The following DGKD variants were observed in gnomAD, a reference collection of about 807,000 sequenced individuals.
DGKD encodes diacylglycerol kinase delta.
In DGKD, 68 loss-of-function variants were observed where a neutral mutation model predicts 154.4. The ratio of observed to expected loss-of-function variants is 0.44; its 90% confidence interval spans 0.36 to 0.54. DGKD has a LOEUF of 0.54. Ranked by LOEUF, DGKD falls within the 20% of genes least tolerant of loss-of-function variation. DGKD has a pLI of 0.00. For missense variants in DGKD, 1,343 were observed against 1,593.6 expected (o/e 0.84, Z 2.68); for synonymous variants, 693 against 638.0 (o/e 1.09, Z -1.30).
At chr2:233,412,141 T>C (rs2061844939) in intron 3 of DGKD, among the ~76,000 whole-genome samples, 1 of 152,232 alleles carries the variant, frequency 6.6e-6, no homozygotes, top group East Asian at 1.9e-4. Context: ...TTTCTATAAG[T>C]GAGGCCTGCT....
chr2:233,423,707 G>A (rs894393441), intron 3 of DGKD, among the ~76,000 whole-genome samples: 3 of 152,126 alleles, frequency 2.0e-5, no homozygotes, highest in Non-Finnish European at 1.5e-5. Context: ...GCTGGCTGGA[G>A]TAAGGTGGGT....
intron 1 of DGKD, among the ~76,000 whole-genome samples, chr2:233,366,638 T>C (rs1477154331): frequency 1.3e-5 from 2 of 152,178 alleles, no homozygotes; most frequent in South Asian, 4.1e-4. Flanking sequence ...GGCTTGCTAG[T>C]GTGCCATGAA....
chr2:233,424,994 G>A (rs971869653), intron 3 of DGKD, among the ~76,000 whole-genome samples: 4 of 152,098 alleles, frequency 2.6e-5, no homozygotes, highest in Non-Finnish European at 2.9e-5. Context: ...AACCCCCTGG[G>A]CTAATTCTTC....
chr2:233,366,833 G>A (rs1204630198), intron 1 of DGKD, among the ~76,000 whole-genome samples: 1 of 152,054 alleles, frequency 6.6e-6, no homozygotes, highest in Non-Finnish European at 1.5e-5. Flanking sequence ...AGGAAGAGGA[G>A]GACTAGTCAA....
chr2:233,453,156 G>T (rs62195091), intron 18 of DGKD, among the ~76,000 whole-genome samples: 17,367 of 152,202 alleles, frequency 0.11, 1,169 homozygotes, highest in Non-Finnish European at 0.15. Flanking sequence ...TTGCTCAGCT[G>T]GGTGGTCTCA....
chr2:233,463,629 C>T (rs927434577), intron 26 of DGKD, among the ~76,000 whole-genome samples: 1 of 151,130 alleles, frequency 6.6e-6, no homozygotes, highest in Admixed American at 6.6e-5. Flanking sequence ...CCTCACTCCA[C>T]GCATCTCCTC....
intron 1 of DGKD, among the ~76,000 whole-genome samples, chr2:233,374,433 C>G (rs1702470950): frequency 6.6e-6 from 1 of 152,058 alleles, no homozygotes; most frequent in African/African-American, 2.4e-5. Context: ...CTCTTGGGCT[C>G]AGGTGATTTT....
At chr2:233,394,591 T>G in intron 3 of DGKD, among the ~76,000 whole-genome samples, 1 of 152,048 alleles carries the variant, frequency 6.6e-6, no homozygotes, top group Non-Finnish European at 1.5e-5. Flanking sequence ...TTTCTAAGTC[T>G]TCTTTTCTTT....
rs188967048 is a variant in DGKD at position 233,440,392 on chromosome 2, G to A, written c.1086-1495G>A. ...AGACACTGAGCTCGAGGCAGGGTGC[G>A]CAGGTGAGCCAGGCGGGGAGTGCAG... On this transcript the variant is annotated intron_variant, in intron 9 of 29. Coordinates refer to ENST00000264057, the MANE Select transcript of DGKD (RefSeq NM_152879.3). This position sits in a 1 kb window ranked among gnomAD's most constrained non-coding sequence, Gnocchi z 4.9. Among the ~76,000 whole-genome samples the A allele has an allele frequency of 2.2e-4, 34 of 152,332 alleles. No individual in the cohort carries two copies. The highest frequency in any genetic ancestry group is 6.5e-4 in the African/African-American group (27 of 41,574).
intron 1 of DGKD, among the ~76,000 whole-genome samples, chr2:233,371,207 ACT>A (rs1383131801): frequency 2.6e-5 from 4 of 151,810 alleles, no homozygotes; most frequent in Admixed American, 6.6e-5. Flanking sequence ...ACACTTGCCA[ACT>A]CTTGTTACTT....
intron 3 of DGKD, among the ~76,000 whole-genome samples, chr2:233,394,383 C>T (rs1157367460): frequency 1.3e-5 from 2 of 151,948 alleles, no homozygotes. Context: ...GCTGGGACTA[C>T]AGGTGCTTGA....
intron 18 of DGKD, among the ~76,000 whole-genome samples, chr2:233,453,275 C>T (rs1222767744): frequency 7.9e-5 from 12 of 152,146 alleles, no homozygotes; most frequent in Admixed American, 7.9e-4. Flanking sequence ...CTGAGCAGCC[C>T]CTGGTACCCT....
At chr2:233,434,295 T>C in intron 3 of DGKD, 85 bp from the exon 4 acceptor site, 1 of 989,456 alleles carries the variant, frequency 1.0e-6, no homozygotes, top group Non-Finnish European at 1.6e-6. Context: ...TTTATGTCTG[T>C]GTGAGGTCGG....
intron 1 of DGKD, among the ~76,000 whole-genome samples, chr2:233,372,886 A>G (rs1702391084): frequency 6.6e-6 from 1 of 152,236 alleles, no homozygotes; most frequent in Non-Finnish European, 1.5e-5. Flanking sequence ...AATCTTAAAT[A>G]TAAAGCTCAT....
chr2:233,436,078 G>T (rs575843345), intron 6 of DGKD, among the ~76,000 whole-genome samples, 154 bp downstream of exon 6: 1 of 152,174 alleles, frequency 6.6e-6, no homozygotes, highest in African/African-American at 2.4e-5. Flanking sequence ...TGCGGTCTCC[G>T]TGTGGTTGTC....
intron 2 of DGKD, 98 bp downstream of exon 2, chr2:233,388,465 A>G: frequency 8.3e-7 from 1 of 1,198,242 alleles, no homozygotes; most frequent in Non-Finnish European, 1.2e-6. Flanking sequence ...AAAAGCTTCA[A>G]TTCTCAGATC....
chr2:233,449,012 A>T lies in DGKD; in HGVS notation c.1615-91A>T. 2.8e-6 allele frequency: 4 copies of T among 1,453,864 alleles called. No individual in the cohort carries two copies. Among genetic ancestry groups the T allele is most frequent in the Non-Finnish European group, 3.7e-6 (4 of 1,088,300 alleles). 90.1% of individuals were successfully genotyped at this position (1,453,864 alleles called of 1,614,324 possible). A position where few individuals can be genotyped will look rare whatever the true frequency, so the allele number is the denominator to read the frequency against. ...AGGATTTTCCTTTTGATCGAGTTCTAGGAAGTCTGGGTGAAATGGCCTGAG... is the reference window on the plus strand; with the variant it reads ...AGGATTTTCCTTTTGATCGAGTTCTTGGAAGTCTGGGTGAAATGGCCTGAG... On this transcript the variant is annotated intron_variant, in intron 14 of 29. Coordinates refer to ENST00000264057, the MANE Select transcript of DGKD (RefSeq NM_152879.3). This position sits in a 1 kb window ranked among gnomAD's most constrained non-coding sequence, Gnocchi z 5.3.
chr2:233,464,243 C>A lies in DGKD; in HGVS notation c.3266C>A (p.Thr1089Asn). The A allele has an allele frequency of 1.2e-6, 2 of 1,613,604 alleles. No individual in the cohort carries two copies. The highest frequency in any genetic ancestry group is 1.7e-6 in the Non-Finnish European group (2 of 1,180,032). The change falls in exon 27 of 30, where the codon ACC (threonine) becomes AAC (asparagine). Residue 1089 changes from threonine (T) to asparagine (N), a missense_variant. Thr to Asn is a moderately conservative substitution (Grantham distance 65). Transcript: ENST00000264057. Reference protein sequence around the residue: ...MDRQLRRLADTPWLCQSAEPG... With the variant: ...MDRQLRRLADNPWLCQSAEPG... ...CGACAGCTCAGGAGGCTGGCAGACA[C>A]CCCGTGGCTCTGCCAGTCCGCAGAG...
rs1020840047 is a variant in DGKD, at chr2:233,445,415, G to A, written c.1195-208G>A. ...CCAGAAGCAGCATCTTATCTCAAGG[G>A]CAGTCATGTTTCTGTCTCATTGCCA... On this transcript the variant is annotated intron_variant, in intron 10 of 29. Coordinates refer to ENST00000264057, the MANE Select transcript of DGKD (RefSeq NM_152879.3). This position sits in a 1 kb window ranked among gnomAD's most constrained non-coding sequence, Gnocchi z 5.5. Among the ~76,000 whole-genome samples the A allele has an allele frequency of 5.3e-5, 8 of 152,070 alleles. No homozygotes were observed. The highest frequency in any genetic ancestry group is 4.6e-4 in the Admixed American group (7 of 15,280).
Sources: gnomAD v4.1 joint callset for allele counts (sites outside exome capture counted in the v4.1 genomes callset) on GRCh38, gnomAD v4.1.1 for gene constraint, Gnocchi (gnomAD v3.1) non-coding constraint, MANE v1.5 for transcripts, NCBI Gene and HGNC (gene_info 2026-07-23, HGNC 2026-07-21) for gene names.